The following ZNF148 variants were observed in gnomAD, a reference collection of about 807,000 sequenced individuals.
The protein encoded by ZNF148 is zinc finger protein 148.
ZNF148 carries 7 observed loss-of-function variants against 67.7 expected under a neutral mutation model. The observed-to-expected ratio is 0.10, with a 90% CI of 0.06 to 0.19. The LOEUF (loss-of-function observed/expected upper bound fraction) is 0.19, where lower values mean the gene tolerates loss of function less well. Among genes scored for constraint, ZNF148 ranks in the 10% least tolerant of loss-of-function variants. ZNF148 has a pLI of 1.00. For synonymous variants in ZNF148, 333 were observed against 330.7 expected (o/e 1.01, Z -0.08); for missense variants, 583 against 947.1 (o/e 0.62, Z 5.05).
rs912875625 is a variant in ZNF148 at position 125,340,803 on chromosome 3, G to A, written c.-233-9565C>T. 6.6e-5 allele frequency among the ~76,000 whole-genome samples: 10 copies of A among 151,486 alleles called. 1 individual carries two copies. In the East Asian group the frequency reaches 7.8e-4, roughly 12 times the overall value. On this transcript the variant is annotated intron_variant, in intron 1 of 8. Coordinates refer to ENST00000360647, the MANE Select transcript of ZNF148 (RefSeq NM_021964.3). ...AGATCGAGACCATCCCGGCTAAAAC[G>A]GTGAAACCCCGTCTCTACTAAAAAT...
intron 1 of ZNF148, among the ~76,000 whole-genome samples, chr3:125,334,462 TC>T (rs1941410896): frequency 6.6e-6 from 1 of 152,204 alleles, no homozygotes; most frequent in African/African-American, 2.4e-5. Flanking sequence ...CAATTAACTC[TC>T]CCTTTGCTAC....
rs555895180 is a variant in ZNF148 at position 125,231,557 on chromosome 3, T to G, written c.*784A>C. Reference sequence around the variant, plus strand: ...TTTTACTAAAACTTCAAAACCTTGATACCTGCACATGAAAAATCATAAAAA... The same window carrying G: ...TTTTACTAAAACTTCAAAACCTTGAGACCTGCACATGAAAAATCATAAAAA... On this transcript the variant is annotated 3_prime_UTR_variant, in exon 9 of 9. Transcript: ENST00000360647. 6.6e-6 allele frequency: 1 copy of G among 152,636 alleles called. No individual in the cohort carries two copies. The highest frequency in any genetic ancestry group is 2.1e-4 in the South Asian group (1 of 4,828). The allele number at this position is 152,636 out of a possible 1,614,324, so 9.5% of individuals were successfully genotyped here. A position where few individuals can be genotyped will look rare whatever the true frequency, so the allele number is the denominator to read the frequency against.
chr3:125,293,570 A>G (rs1939131380), intron 4 of ZNF148, among the ~76,000 whole-genome samples: 1 of 152,228 alleles, frequency 6.6e-6, no homozygotes, highest in Non-Finnish European at 1.5e-5. Context: ...AAAGTGTTCA[A>G]AAAAGGATCA....
chr3:125,270,251 A>G (rs1937659792), intron 7 of ZNF148, among the ~76,000 whole-genome samples: 1 of 152,112 alleles, frequency 6.6e-6, no homozygotes, highest in Non-Finnish European at 1.5e-5. Context: ...TCAGGCCTAT[A>G]ATCCCAGCAC....
rs76067904 is a variant in ZNF148 at position 125,292,610 on chromosome 3, C to G, written c.334-4382G>C. 470 of 152,250 alleles carry G rather than the reference C, an allele frequency of 3.1e-3. 2 individuals are homozygous for G. Among genetic ancestry groups the G allele is most frequent in the African/African-American group, 9.4e-3 (391 of 41,534 alleles). The allele number at this position is 152,250 out of a possible 1,614,324, so 9.4% of individuals were successfully genotyped here. ...AGTAATATGTGCCTGTATTTTGTAA[C>G]AGTTTCAGTAAATCTACATCAGTGG... On this transcript the variant is annotated intron_variant, in intron 4 of 8. Coordinates refer to ENST00000360647, the MANE Select transcript of ZNF148 (RefSeq NM_021964.3).
At chr3:125,285,408 A>C (rs568783229) in intron 5 of ZNF148, among the ~76,000 whole-genome samples, 73 of 152,264 alleles carry the variant, frequency 4.8e-4, no homozygotes, top group African/African-American at 1.6e-3. Context: ...CACTGGTTAT[A>C]TCTTAAAGTT....
chr3:125,344,818 G>A (rs1167328769), intron 1 of ZNF148: 2 of 365,530 alleles, frequency 5.5e-6, no homozygotes, highest in Non-Finnish European at 1.0e-5. Flanking sequence ...ATAGTTGGAA[G>A]AGGACTGAGG....
chr3:125,297,589 A>G (rs1355270203), intron 4 of ZNF148, among the ~76,000 whole-genome samples: 1 of 151,366 alleles, frequency 6.6e-6, no homozygotes, highest in Non-Finnish European at 1.5e-5. Context: ...AAAATTAAGC[A>G]AAAGATGAAC....
intron 5 of ZNF148, among the ~76,000 whole-genome samples, chr3:125,284,158 T>C (rs577565298): frequency 5.9e-5 from 9 of 152,260 alleles, no homozygotes; most frequent in African/African-American, 1.4e-4. Context: ...GATAATATTG[T>C]TATATTTTAC....
intron 7 of ZNF148, among the ~76,000 whole-genome samples, chr3:125,255,294 T>G (rs2107557669): frequency 7.8e-6 from 1 of 128,296 alleles, no homozygotes; most frequent in Non-Finnish European, 1.6e-5. Flanking sequence ...TTGCCCAGGC[T>G]GGAGTGCAGT....
At chr3:125,245,145 T>C (rs1353452094) in intron 7 of ZNF148, among the ~76,000 whole-genome samples, 3 of 152,170 alleles carry the variant, frequency 2.0e-5, no homozygotes, top group Admixed American at 2.0e-4. Flanking sequence ...AAATACATCA[T>C]ATCCCACAAT....
At chr3:125,319,303 C>T (rs1579794598) in intron 3 of ZNF148, among the ~76,000 whole-genome samples, 1 of 152,248 alleles carries the variant, frequency 6.6e-6, no homozygotes, top group South Asian at 2.1e-4. Flanking sequence ...TCGGTCGGGG[C>T]TTTTAATAAG....
intron 7 of ZNF148, among the ~76,000 whole-genome samples, chr3:125,234,553 G>T (rs937248532): frequency 6.6e-6 from 1 of 152,120 alleles, no homozygotes; most frequent in Non-Finnish European, 1.5e-5. Context: ...TGTTATGTGC[G>T]TATGTAATAC....
At chr3:125,336,564 T>C (rs945578616) in intron 1 of ZNF148, among the ~76,000 whole-genome samples, 1 of 152,122 alleles carries the variant, frequency 6.6e-6, no homozygotes, top group African/African-American at 2.4e-5. Context: ...AGTTATACTT[T>C]ATATATTTTG....
chr3:125,308,535 AAAAAAC>A (rs1171069158), intron 4 of ZNF148, among the ~76,000 whole-genome samples: 1 of 123,468 alleles, frequency 8.1e-6, no homozygotes, highest in East Asian at 2.1e-4. Flanking sequence ...ATAAAAAAAA[AAAAAAC>A]AAAAACCTAA....
rs1343624175 is a variant in ZNF148 at position 125,323,451 on chromosome 3, T to A, written c.-152-7A>T. The A allele has an allele frequency of 3.0e-6, 2 of 675,440 alleles. No homozygotes were observed. Among genetic ancestry groups the A allele is most frequent in the African/African-American group, 3.6e-5 (2 of 55,688 alleles). The allele number at this position is 675,440 out of a possible 1,614,324, so 41.8% of individuals were successfully genotyped here. Reference sequence around the variant, plus strand: ...CACTTATGCCATCCGATTCCTACAATAAAACACACACACAACAAACATTAT... The same window carrying A: ...CACTTATGCCATCCGATTCCTACAAAAAAACACACACACAACAAACATTAT... On this transcript the variant is annotated splice_polypyrimidine_tract_variant and splice_region_variant and intron_variant, in intron 2 of 8. Coordinates refer to ENST00000360647, the MANE Select transcript of ZNF148 (RefSeq NM_021964.3).
Position 125,227,751 on chromosome 3 carries a change from T to C in ZNF148, c.*4590A>G, listed in dbSNP as rs1935697385. 1.3e-5 allele frequency: 2 copies of C among 152,570 alleles called. No homozygotes were observed. The highest frequency in any genetic ancestry group is 4.8e-5 in the African/African-American group (2 of 41,440). The allele number at this position is 152,570 out of a possible 1,614,324, so 9.5% of individuals were successfully genotyped here. A position where few individuals can be genotyped will look rare whatever the true frequency, so the allele number is the denominator to read the frequency against. On this transcript the variant is annotated 3_prime_UTR_variant, in exon 9 of 9. Coordinates refer to ENST00000360647, the MANE Select transcript of ZNF148 (RefSeq NM_021964.3). The stretch of plus-strand genomic sequence containing the variant: ...AATAATAAAAAGCATACATTACATA[T>C]AAAAGATACCAGTGTACTAAAAAGT...
At chr3:125,297,272 C>G (rs1939335911) in intron 4 of ZNF148, among the ~76,000 whole-genome samples, 1 of 152,088 alleles carries the variant, frequency 6.6e-6, no homozygotes, top group Non-Finnish European at 1.5e-5. Context: ...CTCCACAATT[C>G]ACATCACCAG....
chr3:125,283,349 A>G (rs1938489820), intron 5 of ZNF148, among the ~76,000 whole-genome samples: 1 of 152,186 alleles, frequency 6.6e-6, no homozygotes, highest in African/African-American at 2.4e-5. Context: ...TGACAGCACC[A>G]GAACAAGAAA....
Sources: allele counts gnomAD v4.1 joint callset (sites outside exome capture counted in the v4.1 genomes callset), GRCh38; gene constraint gnomAD v4.1.1; transcripts MANE v1.5; gene names NCBI Gene and HGNC (gene_info 2026-07-23, HGNC 2026-07-21).